The following PCDH19 variants were observed in gnomAD, a reference collection of about 807,000 sequenced individuals.
PCDH19 encodes protocadherin 19.
PCDH19 carries 6 observed loss-of-function variants against 46.2 expected under a neutral mutation model. That is an observed-to-expected ratio of 0.13 (90% CI 0.07 to 0.26). The LOEUF is 0.26. Among genes scored for constraint, PCDH19 ranks in the 10% least tolerant of loss-of-function variants. The pLI, the probability that PCDH19 is intolerant of heterozygous loss-of-function variation, is 1.00. For synonymous variants in PCDH19, 481 were observed against 415.7 expected (o/e 1.16, Z -1.91); for missense variants, 740 against 972.3 (o/e 0.76, Z 3.18).
intron 3 of PCDH19, among the ~76,000 whole-genome samples, chrX:100,365,421 GATCT>G (rs1927041411): frequency 9.0e-6 from 1 of 111,446 alleles, no homozygotes; most frequent in Admixed American, 9.6e-5. Flanking sequence ...TCCCTTTTGA[GATCT>G]ATCCTTCATA....
At chrX:100,400,381 A>G (rs1928143049) in intron 3 of PCDH19, among the ~76,000 whole-genome samples, 1 of 112,231 alleles carries the variant, frequency 8.9e-6, no homozygotes, top group Non-Finnish European at 1.9e-5. Context: ...CACAAGTCAT[A>G]TTCCTTGGAA....
intron 3 of PCDH19, among the ~76,000 whole-genome samples, chrX:100,378,960 C>T (rs1927463336): frequency 9.0e-6 from 1 of 111,253 alleles, no homozygotes; most frequent in Non-Finnish European, 1.9e-5. Context: ...AAACATGGAT[C>T]ACTCTCTGCA....
intron 5 of PCDH19, among the ~76,000 whole-genome samples, chrX:100,325,284 A>G (rs752774879): frequency 9.0e-6 from 1 of 110,945 alleles, no homozygotes; most frequent in South Asian, 3.9e-4. Context: ...CCAAGGCTCT[A>G]CAATGAACAA....
intron 3 of PCDH19, among the ~76,000 whole-genome samples, chrX:100,357,277 A>G (rs1926744977): frequency 8.9e-6 from 1 of 111,759 alleles, no homozygotes; most frequent in Non-Finnish European, 1.9e-5. Flanking sequence ...TAACACCCTA[A>G]TGGCTCAATG....
Position 100,296,731 on chromosome X carries a change from G to T in PCDH19, c.2993C>A (p.Thr998Asn). Residue 998 changes from threonine to asparagine, a missense_variant, in exon 6 of 6, where the codon ACT (threonine) becomes AAT (asparagine). Thr to Asn is a moderately conservative substitution (Grantham distance 65, BLOSUM62 0). Transcript: ENST00000373034. ...RNIIALSIEA[T>N]AADVEAYDDC... ...GTCATAAGCCTCGACATCAGCAGCA[G>T]TAGCTTCAATAGACAGCGCGATGAT... 1 of 1,211,616 alleles carries T rather than the reference G, an allele frequency of 8.3e-7. No individual in the cohort carries two copies. The highest frequency in any genetic ancestry group is 1.1e-6 in the Non-Finnish European group (1 of 895,470).
At chrX:100,374,191 C>A (rs1347713742) in intron 3 of PCDH19, among the ~76,000 whole-genome samples, 3 of 112,526 alleles carry the variant, frequency 2.7e-5, no homozygotes, top group Non-Finnish European at 3.7e-5. Flanking sequence ...CTAATTAACC[C>A]AATTCATAAG....
At chrX:100,311,838 T>A (rs139737849) in intron 5 of PCDH19, among the ~76,000 whole-genome samples, 16 of 111,101 alleles carry the variant, frequency 1.4e-4, no homozygotes, top group Admixed American at 3.8e-4. Context: ...TAGCATTATC[T>A]TGATGTTTCA....
At chrX:100,346,279 T>G (rs1325685785) in intron 4 of PCDH19, among the ~76,000 whole-genome samples, 1 of 112,478 alleles carries the variant, frequency 8.9e-6, no homozygotes, top group African/African-American at 3.2e-5. Context: ...AGACTCAGAA[T>G]GGAAACAGGT....
intron 5 of PCDH19, among the ~76,000 whole-genome samples, chrX:100,325,704 G>A (rs1342166700): frequency 8.9e-6 from 1 of 112,488 alleles, no homozygotes; most frequent in Non-Finnish European, 1.9e-5. Flanking sequence ...TATATAGCAC[G>A]TGGATTTAGA....
intron 3 of PCDH19, among the ~76,000 whole-genome samples, chrX:100,355,048 C>T (rs1477150528): frequency 2.7e-5 from 3 of 111,332 alleles, no homozygotes; most frequent in East Asian, 2.8e-4. Context: ...TTTTCTAATT[C>T]GAATTCTTTA....
In PCDH19 at chrX:100,407,176, A is replaced by C. The variant is rs1454334422; in HGVS notation, c.1422T>G (p.Ser474=). The part of the protein sequence containing the change: ...ENNTPGAYLL[S]VSARDPDLGL... ...CCAGGTCGGGGTCGCGAGCAGACAC[A>C]GAGAGCAGATAGGCGCCAGGCGTGT... The change falls in exon 1 of 6, where the codon TCT becomes TCG. Residue 474 remains serine, a synonymous_variant. Coordinates refer to ENST00000373034, the MANE Select transcript of PCDH19 (RefSeq NM_001184880.2). 8.3e-7 allele frequency: 1 copy of C among 1,210,239 alleles called. No homozygotes were observed. Among genetic ancestry groups the C allele is most frequent in the African/African-American group, 1.7e-5 (1 of 57,218 alleles).
intron 5 of PCDH19, among the ~76,000 whole-genome samples, chrX:100,329,616 G>T (rs1391158571): frequency 1.8e-5 from 2 of 111,810 alleles, no homozygotes; most frequent in Non-Finnish European, 3.8e-5. Context: ...TGAATTAAAA[G>T]AACTAAAATT....
In PCDH19 at chrX:100,296,459, G is replaced by A; in HGVS notation, c.3265C>T (p.Pro1089Ser). The A allele has an allele frequency of 5.8e-6, 7 of 1,211,569 alleles. No homozygotes were observed. The highest frequency in any genetic ancestry group is 7.8e-6 in the Non-Finnish European group (7 of 895,458). The change falls in exon 6 of 6, where the codon CCC becomes TCC. Residue 1089 changes from proline (P) to serine (S), a missense_variant. Around this residue, in one of 5 missense-constraint regions of PCDH19, gnomAD observed 416 missense variants for 476.8 expected, o/e 0.87. Transcript: ENST00000373034. ...TACTGCTCCAGATCACGGGCTGGGG[G>A]AGCCAGGGCAATGGTGTAAGACACG... ...PSVSYTIALA[P>S]PARDLEQYVN...
chrX:100,409,769 C>A lies in PCDH19; in HGVS notation c.-1172G>T. 1 of 235,889 alleles carries A rather than the reference C, an allele frequency of 4.2e-6. No individual in the cohort carries two copies. The highest frequency in any genetic ancestry group is 7.4e-6 in the Non-Finnish European group (1 of 134,561). 19.4% of individuals were successfully genotyped at this position (235,889 alleles called of 1,213,427 possible). On this transcript the variant is annotated 5_prime_UTR_variant, in exon 1 of 6. Coordinates refer to ENST00000373034, the MANE Select transcript of PCDH19 (RefSeq NM_001184880.2). ...AGGAAGCCCTCCTAGCTCAGTTGCACGTCGCTGGGGTCCGCCTCAGCAGCT... is the reference window on the plus strand; with the variant it reads ...AGGAAGCCCTCCTAGCTCAGTTGCAAGTCGCTGGGGTCCGCCTCAGCAGCT...
chrX:100,407,512 G>A lies in PCDH19; in HGVS notation c.1086C>T (p.Ala362=). The A allele has an allele frequency of 8.3e-7, 1 of 1,211,329 alleles. No individual in the cohort carries two copies. Among genetic ancestry groups the A allele is most frequent in the Non-Finnish European group, 1.1e-6 (1 of 895,604 alleles). Residue 362 remains alanine, a synonymous_variant, in exon 1 of 6, where the codon GCC becomes GCT. Coordinates refer to ENST00000373034, the MANE Select transcript of PCDH19 (RefSeq NM_001184880.2). ...CCAAGGCGATCACGTAGCCCGGGGG[G>A]GCGCTCTCGCTGACCTCCACAAGCT... ...NSELVEVSES[A]PPGYVIALVR... is the part of the protein sequence containing the mutation.
intron 3 of PCDH19, among the ~76,000 whole-genome samples, chrX:100,370,639 C>A (rs1342623469): frequency 8.9e-6 from 1 of 111,944 alleles, no homozygotes; most frequent in Non-Finnish European, 1.9e-5. Flanking sequence ...GTTTCAGAGT[C>A]CATAATTGGC....
intron 3 of PCDH19, among the ~76,000 whole-genome samples, chrX:100,395,294 G>T (rs995995487): frequency 8.9e-6 from 1 of 112,505 alleles, no homozygotes; most frequent in African/African-American, 3.2e-5. Context: ...CTTTATGAAA[G>T]GATCCATCAC....
At chrX:100,377,929 G>A (rs1297209383) in intron 3 of PCDH19, among the ~76,000 whole-genome samples, 2 of 112,339 alleles carry the variant, frequency 1.8e-5, no homozygotes, top group East Asian at 2.8e-4. Context: ...TAGTGGTGAA[G>A]AGGGAATAAG....
rs908780121 is a variant in PCDH19 at position 100,300,022 on chromosome X, C to A, written c.2849-3147G>T. Among the ~76,000 whole-genome samples, 5 of 111,968 alleles carry A rather than the reference C, an allele frequency of 4.5e-5. 1 individual carries two copies. Among genetic ancestry groups the A allele is most frequent in the African/African-American group, 1.6e-4 (5 of 30,776 alleles). ...TGTGACATTTTTGTCTATACAGTTA[C>A]AATGAAGTCTAACTTAGCTTAAATA... On this transcript the variant is annotated intron_variant, in intron 5 of 5. Transcript: ENST00000373034.
Sources: gnomAD v4.1 joint callset for allele counts (sites outside exome capture counted in the v4.1 genomes callset) on GRCh38, gnomAD v4.1.1 for gene constraint, gnomAD v4.1.1 regional missense constraint, MANE v1.5 for transcripts, NCBI Gene and HGNC (gene_info 2026-07-23, HGNC 2026-07-21) for gene names.